Variants in ABTB3 observed in about 807,000 individuals in gnomAD.
The protein encoded by ABTB3 is ankyrin repeat- and BTB/POZ domain-containing protein 3.
At chr12:107,343,502 G>A in the ABTB3 span, among the ~76,000 whole-genome samples, 3 of 152,168 alleles carry the variant, frequency 2.0e-5, no homozygotes, top group African/African-American at 4.8e-5. Context: ...TGGCCAATCC[G>A]ATGCCACAAT....
chr12:107,418,659 T>A, the ABTB3 span, among the ~76,000 whole-genome samples: 1 of 152,300 alleles, frequency 6.6e-6, no homozygotes, highest in East Asian at 1.9e-4. Flanking sequence ...AAACTGGGCA[T>A]CCGAGAAGGG....
the ABTB3 span, among the ~76,000 whole-genome samples, chr12:107,537,361 A>G: frequency 1.3e-5 from 2 of 152,176 alleles, no homozygotes; most frequent in Non-Finnish European, 2.9e-5. Context: ...AAGTTCAGAA[A>G]GCTAGAAGAG....
the ABTB3 span, among the ~76,000 whole-genome samples, chr12:107,323,871 G>A: frequency 6.6e-6 from 1 of 152,076 alleles, no homozygotes; most frequent in African/African-American, 2.4e-5. Context: ...CTTGTTAAAC[G>A]AATATAACCA....
At chr12:107,538,380 G>A in the ABTB3 span, among the ~76,000 whole-genome samples, 6,929 of 152,294 alleles carry the variant, frequency 0.045, 521 homozygotes, top group African/African-American at 0.16. Context: ...CACTTAAATG[G>A]GTGTAACAGG....
At chr12:107,332,061 C>A in the ABTB3 span, among the ~76,000 whole-genome samples, 3 of 152,242 alleles carry the variant, frequency 2.0e-5, no homozygotes, top group Non-Finnish European at 4.4e-5. Context: ...CGAGGGGCAG[C>A]TGGGAGCGTG....
At chr12:107,363,037 C>G in the ABTB3 span, among the ~76,000 whole-genome samples, 1 of 152,150 alleles carries the variant, frequency 6.6e-6, no homozygotes, top group Non-Finnish European at 1.5e-5. Context: ...AGCTGCCTCC[C>G]CGTATCAGCA....
At chr12:107,319,328 G>T in the ABTB3 span, 1 of 1,547,680 alleles carries the variant, frequency 6.5e-7, no homozygotes. Context: ...GGACGCGCTG[G>T]CCAAGCTGTC....
chr12:107,432,270 G>T, the ABTB3 span, among the ~76,000 whole-genome samples: 1 of 152,200 alleles, frequency 6.6e-6, no homozygotes, highest in Non-Finnish European at 1.5e-5. Flanking sequence ...GAGGCCTGAG[G>T]ACACTGATGG....
At chr12:107,655,639 G>C in the ABTB3 span, among the ~76,000 whole-genome samples, 2 of 152,220 alleles carry the variant, frequency 1.3e-5, no homozygotes, top group Non-Finnish European at 2.9e-5. Context: ...TGTCAACCAG[G>C]ACCTCCGCAA....
chr12:107,573,168 G>T, the ABTB3 span, among the ~76,000 whole-genome samples: 44 of 152,284 alleles, frequency 2.9e-4, no homozygotes, highest in African/African-American at 1.0e-3. Context: ...GTGGTGTATT[G>T]TGCATAATCA....
chr12:107,321,122 A>G, the ABTB3 span, among the ~76,000 whole-genome samples: 1 of 152,174 alleles, frequency 6.6e-6, no homozygotes, highest in Non-Finnish European at 1.5e-5. Flanking sequence ...GGAGACTCTA[A>G]AGGCGAAATA....
At chr12:107,373,648 A>G in the ABTB3 span, among the ~76,000 whole-genome samples, 2 of 152,148 alleles carry the variant, frequency 1.3e-5, no homozygotes, top group Non-Finnish European at 2.9e-5. Context: ...CCCATCTCCA[A>G]GCTCCTCTAT....
the ABTB3 span, among the ~76,000 whole-genome samples, chr12:107,637,754 TGGGGACTGTG>T: frequency 6.7e-6 from 1 of 149,110 alleles, no homozygotes; most frequent in African/African-American, 2.5e-5. Context: ...TAGGGAGTGG[TGGGGACTGTG>T]GCAAATCGGA....
the ABTB3 span, among the ~76,000 whole-genome samples, chr12:107,335,714 A>T: frequency 6.6e-6 from 1 of 152,134 alleles, no homozygotes; most frequent in African/African-American, 2.4e-5. Context: ...TTTGGCTTTG[A>T]CCAATGAGAC....
At chr12:107,356,692 A>T in the ABTB3 span, among the ~76,000 whole-genome samples, 1 of 152,206 alleles carries the variant, frequency 6.6e-6, no homozygotes, top group African/African-American at 2.4e-5. Flanking sequence ...CAGCTTTCTC[A>T]TAAATCCTGG....
the ABTB3 span, among the ~76,000 whole-genome samples, chr12:107,548,610 C>A: frequency 6.6e-6 from 1 of 152,018 alleles, no homozygotes; most frequent in Admixed American, 6.6e-5. Context: ...GCTACTATTT[C>A]TTGAGCTTCT....
At chr12:107,645,582 C>T in the ABTB3 span, among the ~76,000 whole-genome samples, 3 of 152,186 alleles carry the variant, frequency 2.0e-5, no homozygotes, top group African/African-American at 2.4e-5. Context: ...AAGAATCTTT[C>T]GGCCCATTTG....
At chr12:107,319,921 A>G in the ABTB3 span, 2 of 1,473,806 alleles carry the variant, frequency 1.4e-6, no homozygotes, top group Non-Finnish European at 1.8e-6. Flanking sequence ...TCCCGCCGGC[A>G]GCCGCCGCCA....
At chr12:107,519,640 C>A in the ABTB3 span, among the ~76,000 whole-genome samples, 14 of 152,110 alleles carry the variant, frequency 9.2e-5, no homozygotes, top group Non-Finnish European at 1.0e-4. Context: ...TTCTTATGAC[C>A]AAGGCAGAGG....
Sources: allele counts gnomAD v4.1 joint callset (sites outside exome capture counted in the v4.1 genomes callset), GRCh38; gene constraint gnomAD v4.1.1; transcripts MANE v1.5; gene names NCBI Gene and HGNC (gene_info 2026-07-23, HGNC 2026-07-21).